The following ANKFN1 variants were observed in gnomAD, a reference collection of about 807,000 sequenced individuals.
The protein encoded by ANKFN1 is ankyrin repeat and fibronectin type-III domain-containing protein 1.
A neutral mutation model predicts 108.7 loss-of-function variants in ANKFN1; 74 were observed. The observed-to-expected ratio is 0.68, with a 90% CI of 0.56 to 0.83. The LOEUF (loss-of-function observed/expected upper bound fraction) is 0.83. Ranked by LOEUF, ANKFN1 falls within the 40% of genes least tolerant of loss-of-function variation. The probability of loss-of-function intolerance (pLI) is 0.00; values close to 1 mark genes in which losing one functional copy is unlikely to be tolerated. For missense variants in ANKFN1, 1,505 were observed against 1,382.3 expected (o/e 1.09, Z -1.41); for synonymous variants, 547 against 516.2 (o/e 1.06, Z -0.81).
chr17:56,497,510 G>A (rs1348489399), intron 19 of ANKFN1, among the ~76,000 whole-genome samples: 1 of 152,160 alleles, frequency 6.6e-6, no homozygotes, highest in Non-Finnish European at 1.5e-5. Flanking sequence ...GACCTACTGT[G>A]TGTTTGTTGG....
chr17:56,473,724 T>C (rs1023172531), intron 15 of ANKFN1: 1 of 151,010 alleles, frequency 6.6e-6, no homozygotes, highest in Admixed American at 6.6e-5. Flanking sequence ...CTTCTTTCCA[T>C]TCCCACACAT....
chr17:56,492,421 A>G, intron 19 of ANKFN1, 68 bp downstream of exon 19: 1 of 678,774 alleles, frequency 1.5e-6, no homozygotes, highest in East Asian at 2.7e-5. Flanking sequence ...TGAAAAGCCA[A>G]GCATGGGAAA....
At chr17:56,326,874 T>C (rs2045530467) in intron 4 of ANKFN1, among the ~76,000 whole-genome samples, 2 of 152,104 alleles carry the variant, frequency 1.3e-5, no homozygotes, top group South Asian at 4.1e-4. Flanking sequence ...CCTGGGTGAG[T>C]GTGCCCATAA....
intron 1 of ANKFN1, among the ~76,000 whole-genome samples, chr17:56,182,542 C>T (rs185103345): frequency 7.0e-4 from 107 of 152,248 alleles, no homozygotes; most frequent in African/African-American, 2.5e-3. Context: ...GACAAAGCTG[C>T]AGAAGAATCA....
At chr17:56,379,646 T>C (rs2047040206) in intron 8 of ANKFN1, among the ~76,000 whole-genome samples, 2 of 152,238 alleles carry the variant, frequency 1.3e-5, no homozygotes, top group South Asian at 4.1e-4. Flanking sequence ...TACAAATCTA[T>C]GTAAATGTGT....
chr17:56,423,495 TA>T (rs2048471811), intron 8 of ANKFN1, among the ~76,000 whole-genome samples: 1 of 152,204 alleles, frequency 6.6e-6, no homozygotes, highest in Non-Finnish European at 1.5e-5. Context: ...CCCTTGCTCA[TA>T]AACCTTCAGC....
At chr17:56,417,609 T>C (rs971156715) in intron 8 of ANKFN1, among the ~76,000 whole-genome samples, 2 of 152,232 alleles carry the variant, frequency 1.3e-5, no homozygotes, top group Non-Finnish European at 2.9e-5. Context: ...CATGAATGTA[T>C]CTGCCTTTTT....
chr17:56,492,248 G>T lies in ANKFN1; in HGVS notation c.2322G>T (p.Val774=). Residue 774 remains valine, a synonymous_variant, in exon 19 of 21, where the codon GTG becomes GTT. Coordinates refer to ENST00000682825, the MANE Select transcript of ANKFN1 (RefSeq NM_001370326.1). The part of the protein sequence containing the change: ...ISLYCRLSAV[V]ELDSLNTQQS... ...TGTATTGCCGCCTTTCTGCTGTTGT[G>T]GAGCTGGATTCTCTGAACACCCAAC... 1 of 702,564 alleles carries T rather than the reference G, an allele frequency of 1.4e-6. No homozygotes were observed. Among genetic ancestry groups the T allele is most frequent in the Non-Finnish European group, 2.6e-6 (1 of 384,752 alleles). 43.5% of individuals were successfully genotyped at this position (702,564 alleles called of 1,614,324 possible).
chr17:56,099,151 T>C (rs1161258822), intron 4 of ANKFN1, among the ~76,000 whole-genome samples: 1 of 152,202 alleles, frequency 6.6e-6, no homozygotes, highest in Non-Finnish European at 1.5e-5. Context: ...TTATGAGCAA[T>C]GGATTAAGGG....
intron 4 of ANKFN1, among the ~76,000 whole-genome samples, chr17:56,105,707 T>TTGCCTGTGTG (rs1555594322): frequency 2.6e-5 from 2 of 76,324 alleles, no homozygotes; most frequent in African/African-American, 1.5e-4. Context: ...GGGGGTTTTT[T>TTGCCTGTGTG]TGTCTGTGTG....
chr17:56,252,254 T>G (rs914686509), intron 3 of ANKFN1: 1 of 152,220 alleles, frequency 6.6e-6, no homozygotes, highest in Non-Finnish European at 1.5e-5. Context: ...GGTAATAAAG[T>G]GATTTGTTCA....
At chr17:56,378,408 C>G (rs938221991) in intron 8 of ANKFN1, among the ~76,000 whole-genome samples, 11 of 152,142 alleles carry the variant, frequency 7.2e-5, no homozygotes, top group African/African-American at 2.7e-4. Context: ...GCACAGGTTC[C>G]CATTGCTCTG....
chr17:56,456,812 T>C, intron 11 of ANKFN1, 49 bp from the exon 12 acceptor site: 1 of 1,495,876 alleles, frequency 6.7e-7, no homozygotes, highest in Non-Finnish European at 9.3e-7. Context: ...ATTGGGGGTG[T>C]TGATCTGCCC....
chr17:56,512,822 A>T lies in ANKFN1; in HGVS notation c.*1553A>T, dbSNP rs1433537578. Among the ~76,000 whole-genome samples, 3 of 152,236 alleles carry T rather than the reference A, an allele frequency of 2.0e-5. No homozygotes were observed. Among genetic ancestry groups the T allele is most frequent in the Admixed American group, 6.5e-5 (1 of 15,286 alleles). On this transcript the variant is annotated 3_prime_UTR_variant, in exon 21 of 21. Coordinates refer to ENST00000682825, the MANE Select transcript of ANKFN1 (RefSeq NM_001370326.1). ...TAATTACCCTGCTGCAAAGGTACAGATTTGGCCCATGGCCTATGGTCATTA... is the reference window on the plus strand; with the variant it reads ...TAATTACCCTGCTGCAAAGGTACAGTTTTGGCCCATGGCCTATGGTCATTA...
chr17:56,430,305 C>A (rs1411452075), intron 8 of ANKFN1, among the ~76,000 whole-genome samples: 1 of 151,930 alleles, frequency 6.6e-6, no homozygotes, highest in African/African-American at 2.4e-5. Context: ...TATGTGGAAT[C>A]TTTAATTTTT....
intron 3 of ANKFN1, among the ~76,000 whole-genome samples, chr17:56,311,262 A>G (rs2045017041): frequency 6.6e-6 from 1 of 152,132 alleles, no homozygotes; most frequent in East Asian, 1.9e-4. Flanking sequence ...TCTGCCACCT[A>G]CTAGCCATGA....
At chr17:56,187,186 T>G (rs1480268930) in intron 1 of ANKFN1, among the ~76,000 whole-genome samples, 1 of 152,192 alleles carries the variant, frequency 6.6e-6, no homozygotes. Flanking sequence ...AATCTACCTA[T>G]CTGACAAAGG....
At chr17:56,362,273 T>C (rs1197914903) in intron 6 of ANKFN1, among the ~76,000 whole-genome samples, 2 of 152,236 alleles carry the variant, frequency 1.3e-5, no homozygotes, top group Non-Finnish European at 2.9e-5. Flanking sequence ...GTTATATAGT[T>C]TGTATTCCAA....
At chr17:56,449,959 T>C (rs1457425781) in intron 11 of ANKFN1, among the ~76,000 whole-genome samples, 1 of 152,210 alleles carries the variant, frequency 6.6e-6, no homozygotes, top group Non-Finnish European at 1.5e-5. Context: ...TCTTTTCTAC[T>C]TGGGCTGTTC....
Sources: allele counts gnomAD v4.1 joint callset (sites outside exome capture counted in the v4.1 genomes callset), GRCh38; gene constraint gnomAD v4.1.1; transcripts MANE v1.5; gene names NCBI Gene and HGNC (gene_info 2026-07-23, HGNC 2026-07-21).